CCDC102B: variants seen among roughly 807,000 people sequenced by gnomAD.
CCDC102B encodes coiled-coil domain-containing protein 102B.
A neutral mutation model predicts 57.4 loss-of-function variants in CCDC102B; 75 were observed. The observed-to-expected ratio is 1.31, with a 90% CI of 1.08 to 1.58. The LOEUF (loss-of-function observed/expected upper bound fraction) is 1.58, where lower values mean the gene tolerates loss of function less well. Among genes scored for constraint, CCDC102B ranks in the 40% most tolerant of loss-of-function variants. The pLI is 0.00. For synonymous variants in CCDC102B, 206 were observed against 201.9 expected (o/e 1.02, Z -0.17); for missense variants, 636 against 582.6 (o/e 1.09, Z -0.94).
intron 6 of CCDC102B, among the ~76,000 whole-genome samples, chr18:68,958,286 G>T (rs1221156089): frequency 2.6e-5 from 4 of 152,088 alleles, no homozygotes; most frequent in Admixed American, 2.0e-4. Flanking sequence ...GCTAATAAAG[G>T]ATGTTGAATT....
At chr18:68,765,627 T>G (rs940497500) in intron 2 of CCDC102B, among the ~76,000 whole-genome samples, 2 of 152,176 alleles carry the variant, frequency 1.3e-5, no homozygotes, top group Non-Finnish European at 2.9e-5. Context: ...GTAGATTTGC[T>G]TATACCATTA....
chr18:68,981,439 A>G (rs753943189), intron 6 of CCDC102B, among the ~76,000 whole-genome samples: 47 of 152,044 alleles, frequency 3.1e-4, no homozygotes, highest in Non-Finnish European at 4.4e-4. Context: ...TCAGATAACT[A>G]TTGGCTTGGG....
intron 6 of CCDC102B, among the ~76,000 whole-genome samples, chr18:68,998,251 T>G (rs1238092958): frequency 1.3e-5 from 2 of 151,866 alleles, no homozygotes; most frequent in African/African-American, 4.8e-5. Context: ...TCAATTTAAC[T>G]GTATGCATAT....
rs1157128816 is a variant in CCDC102B at position 68,776,237 on chromosome 18, A to G, written c.-66-47129A>G. On this transcript the variant is annotated intron_variant, in intron 2 of 3. Coordinates refer to the CCDC102B transcript ENST00000578970. ...ATAATCTGCTTATTAACCATTTCCA[A>G]TTAATTTTGAAAATTTCAATCATTT... Among the ~76,000 whole-genome samples, 7 of 152,250 alleles carry G rather than the reference A, an allele frequency of 4.6e-5. No homozygotes were observed. In the East Asian group the frequency reaches 1.4e-3, roughly 29 times the overall value.
rs969109287 is a variant in CCDC102B at position 68,838,843 on chromosome 18, G to T, written c.744G>T (p.Leu248=). The T allele has an allele frequency of 1.2e-6, 2 of 1,613,942 alleles. No individual in the cohort carries two copies. Among genetic ancestry groups the T allele is most frequent in the Non-Finnish European group, 1.7e-6 (2 of 1,179,920 alleles). ...KTGLRLKAIN[L]PLENEVTEIS... Reference sequence around the variant, plus strand: ...GGCTGAGACTGAAAGCAATAAATCTGCCTTTGGAAAATGAAGTAACTGAAA... The same window carrying T: ...GGCTGAGACTGAAAGCAATAAATCTTCCTTTGGAAAATGAAGTAACTGAAA... The change falls in exon 3 of 8, where the codon CTG becomes CTT. Residue 248 remains leucine, a synonymous_variant. Coordinates refer to ENST00000360242, the MANE Select transcript of CCDC102B (RefSeq NM_024781.3).
chr18:69,045,391 A>G (rs1026404872), intron 7 of CCDC102B, among the ~76,000 whole-genome samples: 31 of 152,094 alleles, frequency 2.0e-4, no homozygotes, highest in Non-Finnish European at 5.9e-5. Context: ...AATACTCTCA[A>G]AATTATGGTT....
intron 4 of CCDC102B, among the ~76,000 whole-genome samples, chr18:68,851,349 G>A (rs2038114308): frequency 6.6e-6 from 1 of 152,108 alleles, no homozygotes; most frequent in Non-Finnish European, 1.5e-5. Context: ...TTCTTTGCAT[G>A]ACATAAATTA....
At chr18:68,996,820 T>A (rs923808065) in intron 6 of CCDC102B, among the ~76,000 whole-genome samples, 3 of 152,122 alleles carry the variant, frequency 2.0e-5, no homozygotes, top group Non-Finnish European at 2.9e-5. Flanking sequence ...GAAGGCATGA[T>A]TGGTTTTGAA....
intron 6 of CCDC102B, among the ~76,000 whole-genome samples, chr18:68,919,269 T>C (rs1273908347): frequency 6.6e-6 from 1 of 152,148 alleles, no homozygotes; most frequent in East Asian, 1.9e-4. Flanking sequence ...TATGTACATA[T>C]ACACTGAATA....
intron 6 of CCDC102B, among the ~76,000 whole-genome samples, chr18:68,997,849 A>ATAT (rs10666536): frequency 0.84 from 127,638 of 151,486 alleles, 55,511 homozygotes; most frequent in Non-Finnish European, 0.95. Flanking sequence ...TCATTTAATA[A>ATAT]TATGTGTTTT....
intron 2 of CCDC102B, among the ~76,000 whole-genome samples, chr18:68,733,926 T>G (rs1201985872): frequency 1.3e-5 from 2 of 152,174 alleles, no homozygotes; most frequent in Non-Finnish European, 2.9e-5. Flanking sequence ...TCCGAACAAC[T>G]GCCTCGACTC....
chr18:68,912,312 G>T (rs1470161708), intron 6 of CCDC102B, among the ~76,000 whole-genome samples: 2 of 152,162 alleles, frequency 1.3e-5, no homozygotes, highest in Non-Finnish European at 2.9e-5. Context: ...TAGACAGTTA[G>T]ATATAAAGAA....
In CCDC102B at chr18:69,029,971, C is replaced by T. The variant is rs185076519; in HGVS notation, c.1434+18867C>T. 3.3e-5 allele frequency among the ~76,000 whole-genome samples: 5 copies of T among 152,224 alleles called. No individual in the cohort carries two copies. The East Asian group carries it at 9.6e-4, about 29-fold the overall frequency. ...TTTCCTTTGACTTTTCAAAATATTG[C>T]TGATTCTATAATTAGAAGTGATGTC... On this transcript the variant is annotated intron_variant, in intron 7 of 7. Transcript: ENST00000360242.
intron 2 of CCDC102B, among the ~76,000 whole-genome samples, chr18:68,765,324 G>GAAAGAAAGAAAA (rs2034407001): frequency 1.7e-5 from 1 of 60,332 alleles, no homozygotes; most frequent in African/African-American, 5.9e-5. Context: ...AAGGAAGGAA[G>GAAAGAAAGAAAA]GAAAGAAAGA....
intron 6 of CCDC102B, chr18:68,899,896 A>G (rs559943254): frequency 1.5e-4 from 23 of 152,284 alleles, no homozygotes; most frequent in Non-Finnish European, 3.2e-4. Context: ...TTCTTTACGT[A>G]AGTAATCTCA....
intron 4 of CCDC102B, among the ~76,000 whole-genome samples, chr18:68,868,194 T>C (rs865786515): frequency 6.6e-6 from 1 of 152,156 alleles, no homozygotes; most frequent in Non-Finnish European, 1.5e-5. Flanking sequence ...AAAAATTTTA[T>C]TTTTGAGTTT....
intron 7 of CCDC102B, among the ~76,000 whole-genome samples, chr18:69,013,381 G>C (rs555203564): frequency 6.6e-6 from 1 of 152,218 alleles, no homozygotes; most frequent in Admixed American, 6.5e-5. Flanking sequence ...GGAAAGGTGG[G>C]GTGGAAGGAG....
At chr18:68,982,473 C>T (rs1281945255) in intron 6 of CCDC102B, among the ~76,000 whole-genome samples, 1 of 151,880 alleles carries the variant, frequency 6.6e-6, no homozygotes, top group Non-Finnish European at 1.5e-5. Context: ...TACACATGTA[C>T]TCACCTAAAC....
At chr18:68,853,266 T>A (rs1273348118) in intron 4 of CCDC102B, among the ~76,000 whole-genome samples, 1 of 152,188 alleles carries the variant, frequency 6.6e-6, no homozygotes, top group Non-Finnish European at 1.5e-5. Context: ...ACATAAAATA[T>A]ACTTTTTTAA....
Sources: allele counts gnomAD v4.1 joint callset (sites outside exome capture counted in the v4.1 genomes callset), GRCh38; gene constraint gnomAD v4.1.1; transcripts MANE v1.5; gene names NCBI Gene and HGNC (gene_info 2026-07-23, HGNC 2026-07-21).